Variants in CPE observed in about 807,000 individuals in gnomAD.
CPE encodes the protein carbocypeptidase E.
In CPE, 17 loss-of-function variants were observed where a neutral mutation model predicts 53.5. The observed-to-expected ratio is 0.32, with a 90% CI of 0.22 to 0.48. The LOEUF (loss-of-function observed/expected upper bound fraction) is 0.48, where lower values mean the gene tolerates loss of function less well. Among genes scored for constraint, CPE ranks in the 20% least tolerant of loss-of-function variants. The probability of loss-of-function intolerance (pLI) is 0.99; values close to 1 mark genes in which losing one functional copy is unlikely to be tolerated. For synonymous variants in CPE, 226 were observed against 228.8 expected, an observed-to-expected ratio of 0.99 and a Z score of 0.11; for missense variants, 524 against 614.7, an observed-to-expected ratio of 0.85 and a Z score of 1.56.
intron 1 of CPE, among the ~76,000 whole-genome samples, chr4:165,424,258 TG>T (rs1731278774): frequency 6.6e-6 from 1 of 152,094 alleles, no homozygotes; most frequent in Non-Finnish European, 1.5e-5. Context: ...TTTTTTATTT[TG>T]GGGTTTGTTT....
intron 1 of CPE, among the ~76,000 whole-genome samples, chr4:165,420,829 T>A (rs914966437): frequency 1.3e-5 from 2 of 152,190 alleles, no homozygotes; most frequent in South Asian, 4.1e-4. Context: ...TTTTATTAAA[T>A]GTCATTTTGA....
At chr4:165,418,500 A>G (rs1012297715) in intron 1 of CPE, among the ~76,000 whole-genome samples, 4 of 152,238 alleles carry the variant, frequency 2.6e-5, no homozygotes, top group African/African-American at 4.8e-5. Context: ...GGGAAGGGTG[A>G]TAGCACACAA....
intron 1 of CPE, among the ~76,000 whole-genome samples, chr4:165,452,820 T>A (rs549096121): frequency 2.0e-5 from 3 of 152,274 alleles, no homozygotes; most frequent in Non-Finnish European, 4.4e-5. Context: ...TGCCCTGGCA[T>A]CAGAATCACC....
At chr4:165,404,681 A>G (rs1010141817) in intron 1 of CPE, 3 of 958,408 alleles carry the variant, frequency 3.1e-6, no homozygotes, top group South Asian at 1.3e-5. Flanking sequence ...GAGGATTCAG[A>G]TGACTTCAGA....
At chr4:165,423,085 G>A (rs1427021016) in intron 1 of CPE, among the ~76,000 whole-genome samples, 1 of 151,836 alleles carries the variant, frequency 6.6e-6, no homozygotes, top group African/African-American at 2.4e-5. Flanking sequence ...ATTCTTTTGA[G>A]TTTCTGGTAA....
chr4:165,467,152 G>C (rs1332686275), intron 2 of CPE, among the ~76,000 whole-genome samples: 1 of 151,958 alleles, frequency 6.6e-6, no homozygotes, highest in Non-Finnish European at 1.5e-5. Flanking sequence ...GCGAGACCCT[G>C]TCTTTACCAA....
chr4:165,396,493 G>A (rs1579241951), intron 1 of CPE, among the ~76,000 whole-genome samples: 1 of 151,914 alleles, frequency 6.6e-6, no homozygotes, highest in South Asian at 2.1e-4. Flanking sequence ...CCAACATGGT[G>A]AAACCACATC....
chr4:165,497,780 G>T lies in CPE; in HGVS notation c.*170G>T, dbSNP rs1243160292. 2 of 357,002 alleles carry T rather than the reference G, an allele frequency of 5.6e-6. No homozygotes were observed. The highest frequency in any genetic ancestry group is 4.2e-5 in the African/African-American group (2 of 47,512). The allele number at this position is 357,002 out of a possible 1,614,324, so 22.1% of individuals were successfully genotyped here. On this transcript the variant is annotated 3_prime_UTR_variant, in exon 9 of 9. Transcript: ENST00000402744. ...AATAGCCTCTTAGGTAAAAATATAA[G>T]AACTTGATATATTTCATTCTCTTAT...
intron 3 of CPE, among the ~76,000 whole-genome samples, chr4:165,479,015 T>C (rs1732353507): frequency 6.6e-6 from 1 of 152,156 alleles, no homozygotes; most frequent in Non-Finnish European, 1.5e-5. Context: ...ATGTGAATAT[T>C]TGTCAATATC....
intron 1 of CPE, among the ~76,000 whole-genome samples, chr4:165,391,853 A>G (rs35212926): frequency 0.25 from 37,481 of 151,920 alleles, 4,851 homozygotes; most frequent in East Asian, 0.4. Flanking sequence ...AGAGTGGTCT[A>G]CAGTGGAGGG....
intron 1 of CPE, among the ~76,000 whole-genome samples, chr4:165,394,069 CAG>C (rs1409681088): frequency 6.6e-6 from 1 of 151,844 alleles, no homozygotes; most frequent in Admixed American, 6.6e-5. Flanking sequence ...TGTAGAGAGT[CAG>C]AGAGAGAGAA....
rs1730472194 is a variant in CPE, at chr4:165,379,745, T to TC, written c.307+223dup. On this transcript the variant is annotated intron_variant, in intron 1 of 8. Coordinates refer to ENST00000402744, the MANE Select transcript of CPE (RefSeq NM_001873.4). The surrounding 1 kb of genome is among the most constrained non-coding windows in gnomAD (Gnocchi z 6.0). ...GCCCAATTTCTGCTTTCCCGTCCCA[T>TC]CCCCCCAGCACCAATCCCATCTCCC... Among the ~76,000 whole-genome samples the TC allele has an allele frequency of 6.6e-6, 1 of 151,874 alleles. No individual in the cohort carries two copies. Among genetic ancestry groups the TC allele is most frequent in the African/African-American group, 2.4e-5 (1 of 41,346 alleles).
At chr4:165,471,306 AG>A (rs1732202433) in intron 3 of CPE, among the ~76,000 whole-genome samples, 1 of 152,188 alleles carries the variant, frequency 6.6e-6, no homozygotes, top group South Asian at 2.1e-4. Context: ...GTTGGTTCAC[AG>A]GAATAAACAG....
rs143317171 is a variant in CPE at position 165,407,432 on chromosome 4, G to A, written c.307+27904G>A. On this transcript the variant is annotated intron_variant, in intron 1 of 8. Transcript: ENST00000402744. Reference sequence around the variant, plus strand: ...TTTTTTTTTTTTTGAGATGGGGTCCGGCTATGTTGCCCAGGCTGGTTTCAA... The same window carrying A: ...TTTTTTTTTTTTTGAGATGGGGTCCAGCTATGTTGCCCAGGCTGGTTTCAA... 2.4e-4 allele frequency among the ~76,000 whole-genome samples: 37 copies of A among 151,068 alleles called. No individual in the cohort carries two copies. In the East Asian group the frequency reaches 6.6e-3, roughly 27 times the overall value.
intron 1 of CPE, among the ~76,000 whole-genome samples, chr4:165,452,783 T>C (rs374034913): frequency 1.3e-5 from 2 of 152,300 alleles, no homozygotes; most frequent in African/African-American, 4.8e-5. Flanking sequence ...CCCAGTGCCT[T>C]CTTCCCAGAT....
At position 165,464,401 on chromosome 4, in the gene CPE, T is replaced by C. The variant is rs1381947094; in HGVS notation, c.319T>C (p.Phe107Leu). The change falls in exon 2 of 9, where the codon TTT (phenylalanine) becomes CTT (leucine). Residue 107 changes from phenylalanine (F) to leucine (L), a missense_variant. Coordinates refer to ENST00000402744, the MANE Select transcript of CPE (RefSeq NM_001873.4). ...TATTAATCTTTTAGGTGAGCCTGAA[T>C]TTAAATACATTGGGAATATGCATGG... ...PGVHEPGEPE[F>L]KYIGNMHGNE... 1.2e-6 allele frequency: 2 copies of C among 1,605,956 alleles called. No individual in the cohort carries two copies. The highest frequency in any genetic ancestry group is 8.5e-7 in the Non-Finnish European group (1 of 1,175,960).
intron 1 of CPE, among the ~76,000 whole-genome samples, chr4:165,463,732 A>G (rs1264475536): frequency 3.9e-5 from 6 of 152,190 alleles, no homozygotes; most frequent in Non-Finnish European, 7.4e-5. Context: ...TTATTTTTAG[A>G]TGTTTGGTCA....
chr4:165,458,634 C>T (rs1731943663), intron 1 of CPE, among the ~76,000 whole-genome samples: 1 of 152,174 alleles, frequency 6.6e-6, no homozygotes. Context: ...CATAGAATTT[C>T]ACAATTTACA....
intron 1 of CPE, among the ~76,000 whole-genome samples, chr4:165,392,510 A>C (rs1234716846): frequency 6.9e-6 from 1 of 144,574 alleles, no homozygotes; most frequent in African/African-American, 2.5e-5. Context: ...TATATTAAAT[A>C]TATAATATAT....
Sources: allele counts gnomAD v4.1 joint callset (sites outside exome capture counted in the v4.1 genomes callset), GRCh38; gene constraint gnomAD v4.1.1; non-coding constraint Gnocchi (gnomAD v3.1); transcripts MANE v1.5; gene names NCBI Gene and HGNC (gene_info 2026-07-23, HGNC 2026-07-21).